Variants in ITGA9 observed in about 807,000 individuals in gnomAD.
ITGA9 encodes integrin alpha-9.
A neutral mutation model predicts 127.8 loss-of-function variants in ITGA9; 56 were observed. The ratio of observed to expected loss-of-function variants is 0.44; its 90% confidence interval spans 0.35 to 0.55. The LOEUF (loss-of-function observed/expected upper bound fraction) is 0.55. Among genes scored for constraint, ITGA9 ranks in the 20% least tolerant of loss-of-function variants. ITGA9 has a pLI of 0.00. For missense variants in ITGA9, 1,196 were observed against 1,347.1 expected, an observed-to-expected ratio of 0.89 and a Z score of 1.76; for synonymous variants, 508 against 514.5, an observed-to-expected ratio of 0.99 and a Z score of 0.17.
chr3:37,509,570 G>A (rs1007697794), intron 8 of ITGA9, among the ~76,000 whole-genome samples: 2 of 152,094 alleles, frequency 1.3e-5, no homozygotes, highest in Non-Finnish European at 2.9e-5. Context: ...ATCCTTCCAT[G>A]TTGTTCTCCC....
At chr3:37,582,382 G>A (rs1034745450) in intron 15 of ITGA9, among the ~76,000 whole-genome samples, 2 of 152,222 alleles carry the variant, frequency 1.3e-5, no homozygotes, top group Non-Finnish European at 2.9e-5. Context: ...TCTTGTTTAA[G>A]AAGGGGCAGC....
At chr3:37,645,427 G>T (rs1341129373) in intron 16 of ITGA9, among the ~76,000 whole-genome samples, 1 of 152,158 alleles carries the variant, frequency 6.6e-6, no homozygotes, top group Admixed American at 6.5e-5. Context: ...AATTAGCGGG[G>T]CATGGTGGTA....
chr3:37,758,215 C>G (rs9855551), intron 23 of ITGA9, among the ~76,000 whole-genome samples: 9,259 of 147,226 alleles, frequency 0.063, 1,019 homozygotes, highest in African/African-American at 0.21. Context: ...CCCAGATACT[C>G]GGGAGGCTGA....
chr3:37,502,995 G>A (rs112421439), intron 5 of ITGA9, among the ~76,000 whole-genome samples, 183 bp from the exon 6 acceptor site: 27 of 152,232 alleles, frequency 1.8e-4, no homozygotes, highest in African/African-American at 3.4e-4. Flanking sequence ...TGATAATCCC[G>A]TCTGTATAAT....
chr3:37,722,532 C>A (rs1425057042), intron 18 of ITGA9, among the ~76,000 whole-genome samples: 4 of 152,208 alleles, frequency 2.6e-5, no homozygotes, highest in African/African-American at 9.6e-5. Context: ...TTTGCCTATT[C>A]TGGACATTGT....
intron 18 of ITGA9, among the ~76,000 whole-genome samples, chr3:37,688,016 A>G (rs576032026): frequency 9.3e-4 from 142 of 152,360 alleles, no homozygotes; most frequent in African/African-American, 3.3e-3. Context: ...TCACTCCAGG[A>G]TGAGGAAGCT....
chr3:37,733,165 G>A (rs1696317739), intron 19 of ITGA9, among the ~76,000 whole-genome samples: 2 of 152,272 alleles, frequency 1.3e-5, no homozygotes, highest in South Asian at 4.1e-4. Flanking sequence ...AGAAGATGTG[G>A]TCTGTCACCT....
At chr3:37,744,548 C>A (rs1298492934) in intron 22 of ITGA9, among the ~76,000 whole-genome samples, 1 of 152,234 alleles carries the variant, frequency 6.6e-6, no homozygotes, top group African/African-American at 2.4e-5. Flanking sequence ...ACGCTGCTCC[C>A]TCACTGAGCC....
At chr3:37,492,300 G>A (rs1698681551) in intron 4 of ITGA9, among the ~76,000 whole-genome samples, 1 of 152,234 alleles carries the variant, frequency 6.6e-6, no homozygotes, top group Non-Finnish European at 1.5e-5. Flanking sequence ...AGTCAGTGAT[G>A]GTACCGACTT....
At position 37,456,324 on chromosome 3, in the gene ITGA9, G is replaced by C. The variant is rs140776012; in HGVS notation, c.185+3765G>C. Among the ~76,000 whole-genome samples, 465 of 152,204 alleles carry C rather than the reference G, an allele frequency of 3.1e-3. 3 individuals carry two copies. Among genetic ancestry groups the C allele is most frequent in the African/African-American group, 0.01 (420 of 41,526 alleles). ...CCCAGAGCCAGCTTCCTCTCCTATA[G>C]CTCCCACTCCCTGAGTCTTCTGGCG... On this transcript the variant is annotated intron_variant, in intron 1 of 27. Transcript: ENST00000264741.
chr3:37,749,005 T>C (rs1307677457), intron 22 of ITGA9: 4 of 459,772 alleles, frequency 8.7e-6, no homozygotes, highest in Admixed American at 3.6e-5. Flanking sequence ...AATTTCTTAT[T>C]GCTGCTGTAA....
At chr3:37,607,982 G>T (rs1004971538) in intron 15 of ITGA9, among the ~76,000 whole-genome samples, 1 of 152,200 alleles carries the variant, frequency 6.6e-6, no homozygotes, top group Non-Finnish European at 1.5e-5. Context: ...TCCTGTGAGG[G>T]ATGGCCAGAC....
At chr3:37,506,627 A>G (rs1698846602) in intron 7 of ITGA9, among the ~76,000 whole-genome samples, 1 of 152,210 alleles carries the variant, frequency 6.6e-6, no homozygotes, top group African/African-American at 2.4e-5. Flanking sequence ...GTATCTGCCA[A>G]AAAACCCACC....
intron 23 of ITGA9, among the ~76,000 whole-genome samples, chr3:37,753,387 C>G (rs1028656573): frequency 1.3e-5 from 2 of 152,106 alleles, no homozygotes; most frequent in African/African-American, 2.4e-5. Context: ...ATGCCCAGAC[C>G]CCAGGATGCT....
At chr3:37,767,143 T>G (rs1035264038) in intron 23 of ITGA9, among the ~76,000 whole-genome samples, 3 of 152,220 alleles carry the variant, frequency 2.0e-5, no homozygotes, top group African/African-American at 7.2e-5. Flanking sequence ...AGCCAAACCC[T>G]AAAGCTGATG....
chr3:37,565,286 C>T (rs1040747269), intron 15 of ITGA9, among the ~76,000 whole-genome samples: 5 of 152,140 alleles, frequency 3.3e-5, no homozygotes, highest in African/African-American at 1.2e-4. Context: ...ACCTTGGCTT[C>T]TGATTAAAAG....
intron 15 of ITGA9, among the ~76,000 whole-genome samples, chr3:37,554,105 G>C (rs932324605): frequency 2.0e-5 from 3 of 152,242 alleles, no homozygotes; most frequent in Admixed American, 2.0e-4. Context: ...ATCCCAGTAG[G>C]GGGAGACAGA....
At chr3:37,578,815 G>C (rs1262867577) in intron 15 of ITGA9, among the ~76,000 whole-genome samples, 2 of 126,176 alleles carry the variant, frequency 1.6e-5, no homozygotes, top group African/African-American at 6.1e-5. Context: ...ACTTCATCAT[G>C]ATGGGAGGGA....
chr3:37,462,350 G>A (rs1255473438), intron 1 of ITGA9, among the ~76,000 whole-genome samples: 1 of 152,230 alleles, frequency 6.6e-6, no homozygotes, highest in Non-Finnish European at 1.5e-5. Flanking sequence ...GTTATGTGGT[G>A]TGGATTGTAC....
Sources: gnomAD v4.1 joint callset for allele counts (sites outside exome capture counted in the v4.1 genomes callset) on GRCh38, gnomAD v4.1.1 for gene constraint, MANE v1.5 for transcripts, NCBI Gene and HGNC (gene_info 2026-07-23, HGNC 2026-07-21) for gene names.